Variants in GAN observed in about 807,000 individuals in gnomAD.
The protein encoded by GAN is gigaxonin, also known as epididymis secretory sperm binding protein.
A neutral mutation model predicts 71.3 loss-of-function variants in GAN; 48 were observed. That is an observed-to-expected ratio of 0.67 (90% confidence interval 0.53 to 0.86). The LOEUF (loss-of-function observed/expected upper bound fraction) is 0.86. GAN is among the 40% of genes least tolerant of loss of function. GAN has a pLI of 0.00. For synonymous variants in GAN, 386 were observed against 276.8 expected, an observed-to-expected ratio of 1.39 and a Z score of -3.92; for missense variants, 928 against 770.1, an observed-to-expected ratio of 1.21 and a Z score of -2.43.
intron 9 of GAN, among the ~76,000 whole-genome samples, chr16:81,369,572 A>C (rs1184452589): frequency 2.0e-5 from 3 of 152,220 alleles, no homozygotes; most frequent in Non-Finnish European, 4.4e-5. Context: ...TTTGGGTAGA[A>C]TTCTACATTA....
At position 81,379,655 on chromosome 16, in the gene GAN, G is replaced by A. The variant is rs780992142; in HGVS notation, c.*2059G>A. The stretch of plus-strand genomic sequence containing the variant: ...AGGAAATAGCTGAAAAACTAAATTT[G>A]CTTTGGTGAAATGTCCTGTACAGAA... On this transcript the variant is annotated 3_prime_UTR_variant, in exon 11 of 11. Transcript: ENST00000648994. 1.3e-5 allele frequency: 2 copies of A among 152,166 alleles called. No individual in the cohort carries two copies. Among genetic ancestry groups the A allele is most frequent in the African/African-American group, 4.8e-5 (2 of 41,438 alleles). 9.4% of individuals were successfully genotyped at this position (152,166 alleles called of 1,614,324 possible).
chr16:81,371,357 G>A (rs1045626425), intron 9 of GAN, among the ~76,000 whole-genome samples: 3 of 152,100 alleles, frequency 2.0e-5, no homozygotes, highest in Non-Finnish European at 4.4e-5. Flanking sequence ...AATTTTTCTG[G>A]CTCTTCTTCT....
At chr16:81,350,173 A>C (rs1211664610) in intron 1 of GAN, among the ~76,000 whole-genome samples, 1 of 152,328 alleles carries the variant, frequency 6.6e-6, no homozygotes, top group African/African-American at 2.4e-5. Context: ...CTACACCGCA[A>C]TGTGAGGACA....
At chr16:81,372,446 G>C (rs547289033) in intron 9 of GAN, among the ~76,000 whole-genome samples, 37 of 152,344 alleles carry the variant, frequency 2.4e-4, no homozygotes, top group African/African-American at 6.7e-4. Flanking sequence ...GGGTCGGTGA[G>C]ATGATAAATG....
chr16:81,315,025 C>G lies in GAN; in HGVS notation c.-89C>G, dbSNP rs937731775. On this transcript the variant is annotated 5_prime_UTR_variant, in exon 1 of 11. Coordinates refer to ENST00000648994, the MANE Select transcript of GAN (RefSeq NM_022041.4). Reference sequence around the variant, plus strand: ...TCAGAGCGCGGAGAGCCGGGCCGGGCGGGCGCGCGCGCAGGACTCGGGCCG... The same window carrying G: ...TCAGAGCGCGGAGAGCCGGGCCGGGGGGGCGCGCGCGCAGGACTCGGGCCG... 6.2e-6 allele frequency: 7 copies of G among 1,128,116 alleles called. No homozygotes were observed. The highest frequency in any genetic ancestry group is 8.1e-6 in the Non-Finnish European group (7 of 859,986). The allele number at this position is 1,128,116 out of a possible 1,614,324, so 69.9% of individuals were successfully genotyped here.
chr16:81,356,766 T>C lies in GAN; in HGVS notation c.634-19T>C, dbSNP rs763155204. 2.6e-6 allele frequency: 4 copies of C among 1,550,126 alleles called. No homozygotes were observed. Among genetic ancestry groups the C allele is most frequent in the African/African-American group, 2.7e-5 (2 of 73,704 alleles). On this transcript the variant is annotated intron_variant, in intron 3 of 10. Transcript: ENST00000648994. ...CATTTTCCATTGTTTTCGCCCCATC[T>C]TTCTTCCCTCTTCTGCAGGTCCACA... is the stretch of plus-strand genomic sequence containing the variant.
At position 81,380,556 on chromosome 16, in the gene GAN, ATGAG is replaced by A. The variant is rs1347424753; in HGVS notation, c.*2966_*2969del. The A allele has an allele frequency of 6.6e-6, 1 of 152,146 alleles. No homozygotes were observed. The highest frequency in any genetic ancestry group is 2.4e-5 in the African/African-American group (1 of 41,440). 9.4% of individuals were successfully genotyped at this position (152,146 alleles called of 1,614,324 possible). ...TGAATAGAAAAAGTGTGAGAGATGA[ATGAG>A]TGAGTTGTACGTGTGTGTGTGATGC... On this transcript the variant is annotated 3_prime_UTR_variant, in exon 11 of 11. Coordinates refer to ENST00000648994, the MANE Select transcript of GAN (RefSeq NM_022041.4).
chr16:81,376,552 C>T (rs967307407), intron 9 of GAN, among the ~76,000 whole-genome samples: 2 of 142,466 alleles, frequency 1.4e-5, no homozygotes, highest in African/African-American at 5.4e-5. Context: ...TATATACACA[C>T]ATATACATAT....
chr16:81,378,895 G>A lies in GAN; in HGVS notation c.*1299G>A, dbSNP rs955513901. 7.2e-5 allele frequency: 11 copies of A among 152,490 alleles called. No individual in the cohort carries two copies. Among genetic ancestry groups the A allele is most frequent in the African/African-American group, 2.4e-4 (10 of 41,416 alleles). 9.4% of individuals were successfully genotyped at this position (152,490 alleles called of 1,614,324 possible). A position where few individuals can be genotyped will look rare whatever the true frequency, so the allele number is the denominator to read the frequency against. On this transcript the variant is annotated 3_prime_UTR_variant, in exon 11 of 11. Transcript: ENST00000648994. The stretch of plus-strand genomic sequence containing the variant: ...TGGAACGTATCTTGTAAGATATTTT[G>A]TTTTCCACTTGAATTACACCACCCT...
intron 1 of GAN, among the ~76,000 whole-genome samples, chr16:81,335,930 G>T (rs1287237165): frequency 6.6e-6 from 1 of 152,100 alleles, no homozygotes; most frequent in Non-Finnish European, 1.5e-5. Context: ...AGTGAGAGGA[G>T]GTGGGTGCCC....
chr16:81,340,759 C>T (rs1026440257), intron 1 of GAN, among the ~76,000 whole-genome samples: 1 of 151,544 alleles, frequency 6.6e-6, no homozygotes, highest in East Asian at 1.9e-4. Flanking sequence ...AACTCCTTGC[C>T]AGCAAGGGAA....
intron 1 of GAN, among the ~76,000 whole-genome samples, chr16:81,325,005 G>C (rs1909335919): frequency 6.6e-6 from 1 of 152,144 alleles, no homozygotes; most frequent in South Asian, 2.1e-4. Context: ...TGAGGAAAAG[G>C]GCAGACCAGG....
At chr16:81,352,400 A>T (rs1271255429) in intron 2 of GAN, among the ~76,000 whole-genome samples, 1 of 152,034 alleles carries the variant, frequency 6.6e-6, no homozygotes, top group Non-Finnish European at 1.5e-5. Flanking sequence ...AAGCATGAGG[A>T]CTCAAGAAAA....
intron 3 of GAN, among the ~76,000 whole-genome samples, chr16:81,355,966 A>T (rs1471041236): frequency 1.3e-5 from 2 of 152,170 alleles, no homozygotes; most frequent in Non-Finnish European, 2.9e-5. Flanking sequence ...GGTAAAGGAG[A>T]TAGAAAAATG....
rs1321260693 is a variant in GAN at position 81,388,774 on chromosome 16, C to T, written c.*11178C>T. ...CAGAGCGGAGCGCAGCCCTTGTTTC[C>T]TTCTTTCCTCTTCAGCTCTGACTTA... On this transcript the variant is annotated 3_prime_UTR_variant, in exon 11 of 11. Coordinates refer to ENST00000648994, the MANE Select transcript of GAN (RefSeq NM_022041.4). The T allele has an allele frequency of 1.3e-5, 2 of 152,288 alleles. No individual in the cohort carries two copies. Among genetic ancestry groups the T allele is most frequent in the Admixed American group, 1.3e-4 (2 of 15,290 alleles). 9.4% of individuals were successfully genotyped at this position (152,288 alleles called of 1,614,324 possible). A position where few individuals can be genotyped will look rare whatever the true frequency, so the allele number is the denominator to read the frequency against.
At chr16:81,364,928 G>GAATGAGA (rs1450153014) in intron 7 of GAN, 46 bp from the exon 8 acceptor site, 2 of 1,600,470 alleles carry the variant, frequency 1.2e-6, no homozygotes, top group Non-Finnish European at 1.7e-6. Context: ...CACCTGACCT[G>GAATGAGA]AATGAGAAAT....
intron 1 of GAN, among the ~76,000 whole-genome samples, chr16:81,343,431 G>A (rs1391502478): frequency 6.6e-6 from 1 of 152,190 alleles, no homozygotes; most frequent in Non-Finnish European, 1.5e-5. Flanking sequence ...GATCAAGTTG[G>A]CTTCATCCCT....
chr16:81,354,011 C>T (rs569284314), intron 2 of GAN, among the ~76,000 whole-genome samples: 15 of 152,158 alleles, frequency 9.9e-5, no homozygotes, highest in Non-Finnish European at 1.3e-4. Flanking sequence ...GCAAGATTTT[C>T]ATCAGTTCTG....
chr16:81,341,402 C>T (rs1471946066), intron 1 of GAN, among the ~76,000 whole-genome samples: 1 of 152,128 alleles, frequency 6.6e-6, no homozygotes, highest in African/African-American at 2.4e-5. Flanking sequence ...GTCGGGTTAC[C>T]CACAAAGGGA....
Sources: gnomAD v4.1 joint callset for allele counts (sites outside exome capture counted in the v4.1 genomes callset) on GRCh38, gnomAD v4.1.1 for gene constraint, MANE v1.5 for transcripts, NCBI Gene and HGNC (gene_info 2026-07-23, HGNC 2026-07-21) for gene names.